SH2D3A: variants seen among roughly 807,000 people sequenced by gnomAD.
The protein encoded by SH2D3A is SH2 domain-containing protein 3A.
Under a neutral mutation model 50.6 loss-of-function variants are expected in SH2D3A, and 46 were observed. The ratio of observed to expected loss-of-function variants is 0.91; its 90% CI spans 0.72 to 1.16. The LOEUF (loss-of-function observed/expected upper bound fraction) is 1.16. Ranked by LOEUF, SH2D3A falls within the 50% of genes most tolerant of loss-of-function variation. The pLI is 0.00. For missense variants in SH2D3A, 783 were observed against 786.2 expected (o/e 1.00, Z 0.05); for synonymous variants, 377 against 348.4 (o/e 1.08, Z -0.91).
intron 8 of SH2D3A, 107 bp downstream of exon 8, chr19:6,753,945 G>A: frequency 5.2e-6 from 7 of 1,346,034 alleles, no homozygotes; most frequent in Non-Finnish European, 6.9e-6. Flanking sequence ...CTATGGTGAA[G>A]GGACCGGGCC....
In SH2D3A at chr19:6,753,516, C is replaced by G; in HGVS notation, c.1510G>C (p.Ala504Pro). 6.4e-7 allele frequency: 1 copy of G among 1,559,082 alleles called. No homozygotes were observed. The highest frequency in any genetic ancestry group is 8.7e-7 in the Non-Finnish European group (1 of 1,152,048). The change falls in exon 9 of 10, where the codon GCG becomes CCG. Residue 504 changes from alanine to proline, a missense_variant. Ala to Pro is a conservative substitution (Grantham distance 27). Transcript: ENST00000245908. ...GGTGCGTCCCGGACCATGTGACGCG[C>G]CCCGTGCAGGGTGCGCAACAGCCGC... ...CERLLRTLHG[A>P]RHMVRDAPKF...
At position 6,759,666 on chromosome 19, in the gene SH2D3A, T is replaced by A; in HGVS notation, c.424A>T (p.Arg142Trp). The change falls in exon 4 of 10, where the codon AGG (arginine) becomes TGG (tryptophan). Residue 142 changes from arginine to tryptophan, a missense_variant. Physicochemically the swap from Arg to Trp is moderately radical, Grantham distance 101. Coordinates refer to ENST00000245908, the MANE Select transcript of SH2D3A (RefSeq NM_005490.3). Reference protein sequence around the residue: ...GPARIEPLRARKWSNSQPADL... With the variant: ...GPARIEPLRAWKWSNSQPADL... ...GCAGGCTGACTGTTGCTCCACTTCCTTGCCCTGGGGGACAGAAGTGGGAGA... is the reference window on the plus strand; with the variant it reads ...GCAGGCTGACTGTTGCTCCACTTCCATGCCCTGGGGGACAGAAGTGGGAGA... 6.2e-7 allele frequency: 1 copy of A among 1,613,676 alleles called. No homozygotes were observed. Among genetic ancestry groups the A allele is most frequent in the South Asian group, 1.1e-5 (1 of 91,080 alleles).
In SH2D3A at chr19:6,763,991, C is replaced by T; in HGVS notation, c.-68-175G>A. 2 of 225,756 alleles carry T rather than the reference C, an allele frequency of 8.9e-6. 1 individual carries two copies. The allele number at this position is 225,756 out of a possible 1,614,324, so 14.0% of individuals were successfully genotyped here. On this transcript the variant is annotated intron_variant, in intron 1 of 9. Transcript: ENST00000245908. ...GCAATGGTGCGATCTTGGCTCACTG[C>T]AACCTCTGCCTCCCAGATTCAAGCG...
intron 1 of SH2D3A, among the ~76,000 whole-genome samples, chr19:6,765,740 T>A (rs1259015866): frequency 9.0e-6 from 1 of 110,564 alleles, no homozygotes. Context: ...AGAGCAAGAC[T>A]CCGTCTCAAA....
At chr19:6,765,537 C>T (rs970448492) in intron 1 of SH2D3A, among the ~76,000 whole-genome samples, 4 of 151,834 alleles carry the variant, frequency 2.6e-5, no homozygotes, top group African/African-American at 9.7e-5. Context: ...CATCTGAGGT[C>T]AGGAGTTTGA....
At chr19:6,753,370 T>TC in intron 9 of SH2D3A, 86 bp downstream of exon 9, 1 of 1,406,180 alleles carries the variant, frequency 7.1e-7, no homozygotes, top group Non-Finnish European at 9.2e-7. Flanking sequence ...GAGGCTCCCC[T>TC]CCTGGGACAG....
At chr19:6,752,844 TTTGAC>T in intron 9 of SH2D3A, 91 bp from the exon 10 acceptor site, 1 of 1,428,688 alleles carries the variant, frequency 7.0e-7, no homozygotes, top group South Asian at 1.5e-5. Flanking sequence ...CCCAGAGGAC[TTTGAC>T]CCAACAGGGG....
intron 3 of SH2D3A, 144 bp from the exon 4 acceptor site, chr19:6,759,814 C>T (rs1317107915): frequency 7.2e-6 from 5 of 690,632 alleles, no homozygotes; most frequent in South Asian, 1.8e-5. Flanking sequence ...CTCTTAGCAA[C>T]GTGTGGAGAC....
intron 5 of SH2D3A, 46 bp downstream of exon 5, chr19:6,754,785 G>C: frequency 6.2e-7 from 1 of 1,613,420 alleles, no homozygotes; most frequent in East Asian, 2.2e-5. Context: ...GGCATGGTTG[G>C]GTCTTGCCCT....
At chr19:6,759,452 T>G in intron 4 of SH2D3A, 142 bp downstream of exon 4, 1 of 734,016 alleles carries the variant, frequency 1.4e-6, no homozygotes, top group South Asian at 1.6e-5. Flanking sequence ...AGTCCCTGCA[T>G]GTTTTAAGTC....
intron 4 of SH2D3A, among the ~76,000 whole-genome samples, chr19:6,757,107 C>T (rs551510408): frequency 3.9e-5 from 6 of 151,960 alleles, no homozygotes; most frequent in African/African-American, 7.2e-5. Flanking sequence ...CCTCGTGATC[C>T]GCCCGCTTTG....
chr19:6,753,959 A>G, intron 8 of SH2D3A, 93 bp downstream of exon 8: 14 of 1,416,626 alleles, frequency 9.9e-6, no homozygotes, highest in South Asian at 8.7e-5. Flanking sequence ...CCGGGCCTAG[A>G]ACAGATGCAG....
At chr19:6,762,681 CTTTTT>C (rs941083340) in intron 2 of SH2D3A, among the ~76,000 whole-genome samples, 1 of 126,760 alleles carries the variant, frequency 7.9e-6, no homozygotes, top group South Asian at 2.8e-4. Flanking sequence ...ATAATTTTCG[CTTTTT>C]TTTTTTTTTT....
chr19:6,761,965 C>CA (rs759411762), intron 2 of SH2D3A, among the ~76,000 whole-genome samples: 6,303 of 101,324 alleles, frequency 0.062, 278 homozygotes, highest in African/African-American at 0.16. Flanking sequence ...AAAAAAAAAA[C>CA]AAAAAAAAAA....
Position 6,754,333 on chromosome 19 carries a change from T to A in SH2D3A, c.1190A>T (p.Glu397Val). 1 of 1,574,366 alleles carries A rather than the reference T, an allele frequency of 6.4e-7. No individual in the cohort carries two copies. Among genetic ancestry groups the A allele is most frequent in the Non-Finnish European group, 8.6e-7 (1 of 1,167,120 alleles). Reference sequence around the variant, plus strand: ...CCCTGGCCGCAGCGCCAGCGCCAGCTCTACCAGTCCCCTCAGTGCGGCTGC... The same window carrying A: ...CCCTGGCCGCAGCGCCAGCGCCAGCACTACCAGTCCCCTCAGTGCGGCTGC... The part of the protein sequence containing the change: ...ERAAALRGLV[E>V]LALALRPGAA... Residue 397 changes from glutamate (E) to valine (V), a missense_variant, in exon 7 of 10, where the codon GAG (glutamate) becomes GTG (valine). Glu to Val is a moderately radical substitution (Grantham distance 121). Transcript: ENST00000245908.
Position 6,765,434 on chromosome 19 carries a change from C to A in SH2D3A, c.-68-1618G>T, listed in dbSNP as rs185576468. 7.9e-5 allele frequency among the ~76,000 whole-genome samples: 12 copies of A among 152,060 alleles called. No individual in the cohort carries two copies. In the East Asian group the frequency reaches 2.3e-3, roughly 29 times the overall value. ...TTCTCAGGATAGGTGCAGATCTAAC[C>A]CCTATTCTTTGCTTTAGAATGCAAC... On this transcript the variant is annotated intron_variant, in intron 1 of 9. Transcript: ENST00000245908.
chr19:6,761,266 C>A (rs1794981764), intron 2 of SH2D3A: 1 of 401,336 alleles, frequency 2.5e-6, no homozygotes. Context: ...AATATCCAGA[C>A]CTGGCGCATA....
intron 2 of SH2D3A, chr19:6,761,236 G>A: frequency 2.0e-6 from 1 of 496,704 alleles, no homozygotes; most frequent in Non-Finnish European, 3.6e-6. Context: ...AATGGGATGT[G>A]GGGTAGAAGG....
rs568976019 is a variant in SH2D3A, at chr19:6,753,651, G to T, written c.1385-10C>A. 2.6e-6 allele frequency: 4 copies of T among 1,553,968 alleles called. No homozygotes were observed. Among genetic ancestry groups the T allele is most frequent in the African/African-American group, 2.7e-5 (2 of 74,210 alleles). ...CCGGGGTCGCAGGGTCCTGCGGAGG[G>T]GGAGGGTCTGATCAGGGTTTGGGGC... On this transcript the variant is annotated splice_polypyrimidine_tract_variant and intron_variant, in intron 8 of 9. Coordinates refer to ENST00000245908, the MANE Select transcript of SH2D3A (RefSeq NM_005490.3).
Sources: gnomAD v4.1 joint callset for allele counts (sites outside exome capture counted in the v4.1 genomes callset) on GRCh38, gnomAD v4.1.1 for gene constraint, MANE v1.5 for transcripts, NCBI Gene and HGNC (gene_info 2026-07-23, HGNC 2026-07-21) for gene names.